MGMT: variants seen among roughly 807,000 people sequenced by gnomAD.
MGMT encodes O-6-methylguanine-DNA methyltransferase.
In MGMT, 14 loss-of-function variants were observed where a neutral mutation model predicts 15.9. That is an observed-to-expected ratio of 0.88 (90% CI 0.58 to 1.37). The LOEUF is 1.37. Ranked by LOEUF, MGMT falls within the 40% of genes most tolerant of loss-of-function variation. MGMT has a pLI of 0.00. For synonymous variants in MGMT, 130 were observed against 118.2 expected, an observed-to-expected ratio of 1.10 and a Z score of -0.65; for missense variants, 282 against 268.1, an observed-to-expected ratio of 1.05 and a Z score of -0.36.
intron 2 of MGMT, among the ~76,000 whole-genome samples, chr10:129,692,058 A>G (rs1236447296): frequency 2.0e-5 from 3 of 152,236 alleles, no homozygotes; most frequent in Non-Finnish European, 4.4e-5. Flanking sequence ...CACAGTGCCC[A>G]GCACCCAGTG....
intron 2 of MGMT, among the ~76,000 whole-genome samples, chr10:129,575,201 A>T (rs1211690874): frequency 6.6e-6 from 1 of 152,164 alleles, no homozygotes; most frequent in East Asian, 1.9e-4. Context: ...ACATCTACAG[A>T]ACTCTCCACC....
intron 2 of MGMT, among the ~76,000 whole-genome samples, chr10:129,670,999 G>A (rs1480369542): frequency 2.0e-5 from 3 of 152,094 alleles, no homozygotes; most frequent in Non-Finnish European, 2.9e-5. Context: ...TGTGTCTGTA[G>A]CCTTCTTTAT....
chr10:129,755,662 C>T (rs1848797716), intron 3 of MGMT, among the ~76,000 whole-genome samples: 1 of 152,348 alleles, frequency 6.6e-6, no homozygotes, highest in East Asian at 1.9e-4. Context: ...TGGCCTGCCT[C>T]CCAGGAAAGA....
At chr10:129,559,153 C>T (rs1178745917) in intron 2 of MGMT, among the ~76,000 whole-genome samples, 2 of 152,156 alleles carry the variant, frequency 1.3e-5, no homozygotes, top group African/African-American at 4.8e-5. Flanking sequence ...CTTTAACTCT[C>T]CTTAGGTGAG....
intron 2 of MGMT, among the ~76,000 whole-genome samples, chr10:129,538,311 A>AT (rs2119763641): frequency 6.6e-6 from 1 of 152,296 alleles, no homozygotes; most frequent in East Asian, 1.9e-4. Context: ...CTCTTTGTGA[A>AT]TTTTTGTTTC....
intron 1 of MGMT, among the ~76,000 whole-genome samples, chr10:129,520,518 A>G (rs1028866682): frequency 1.3e-5 from 2 of 151,556 alleles, no homozygotes; most frequent in Non-Finnish European, 2.9e-5. Flanking sequence ...GTGCAGGTGC[A>G]GAGCCTCTAC....
intron 2 of MGMT, among the ~76,000 whole-genome samples, chr10:129,584,386 T>C (rs1472037394): frequency 6.6e-6 from 1 of 152,042 alleles, no homozygotes; most frequent in Admixed American, 6.5e-5. Flanking sequence ...GGAGATTTCA[T>C]ATTTCAAAAA....
chr10:129,592,383 CT>C (rs1201759561), intron 2 of MGMT, among the ~76,000 whole-genome samples: 1 of 152,214 alleles, frequency 6.6e-6, no homozygotes, highest in African/African-American at 2.4e-5. Flanking sequence ...GTGGCATTAA[CT>C]AGTGTGAATT....
intron 2 of MGMT, among the ~76,000 whole-genome samples, chr10:129,674,284 A>C (rs1240722528): frequency 6.6e-6 from 1 of 152,198 alleles, no homozygotes; most frequent in Non-Finnish European, 1.5e-5. Flanking sequence ...TAAAAAAAAA[A>C]AATAGTATAA....
At chr10:129,551,900 C>T (rs560019795) in intron 2 of MGMT, among the ~76,000 whole-genome samples, 2 of 152,280 alleles carry the variant, frequency 1.3e-5, no homozygotes, top group South Asian at 2.1e-4. Context: ...ACAGAAACCA[C>T]GCTGAGTACC....
chr10:129,526,432 T>C (rs954015943), intron 1 of MGMT, among the ~76,000 whole-genome samples: 2 of 152,128 alleles, frequency 1.3e-5, no homozygotes, highest in Admixed American at 1.3e-4. Flanking sequence ...AATCTCCCCC[T>C]TCACACAGAC....
chr10:129,550,453 T>C (rs1165396628), intron 2 of MGMT, among the ~76,000 whole-genome samples: 2 of 151,410 alleles, frequency 1.3e-5, no homozygotes, highest in Non-Finnish European at 3.0e-5. Flanking sequence ...TGATTCTTTT[T>C]TTTTTTTTTT....
intron 2 of MGMT, among the ~76,000 whole-genome samples, chr10:129,699,223 A>G (rs1479576614): frequency 6.6e-6 from 1 of 152,118 alleles, no homozygotes; most frequent in Non-Finnish European, 1.5e-5. Context: ...CAAGTATACT[A>G]TTTGGGTTGT....
intron 4 of MGMT, among the ~76,000 whole-genome samples, chr10:129,761,537 C>G (rs1171949082): frequency 4.6e-5 from 7 of 152,230 alleles, no homozygotes; most frequent in Admixed American, 3.9e-4. Flanking sequence ...ATTTATTGTT[C>G]TGCAAACCAG....
At chr10:129,599,194 G>A (rs1846788438) in intron 2 of MGMT, among the ~76,000 whole-genome samples, 1 of 152,152 alleles carries the variant, frequency 6.6e-6, no homozygotes, top group Non-Finnish European at 1.5e-5. Context: ...ATTTGAACAT[G>A]GTTTGAACAG....
chr10:129,606,128 T>C (rs918266899), intron 2 of MGMT, among the ~76,000 whole-genome samples: 3 of 152,304 alleles, frequency 2.0e-5, no homozygotes, highest in African/African-American at 7.2e-5. Context: ...AATGATGGCA[T>C]GTGCAGGCGA....
chr10:129,499,972 A>T (rs1845559062), intron 1 of MGMT, among the ~76,000 whole-genome samples: 1 of 152,214 alleles, frequency 6.6e-6, no homozygotes, highest in Non-Finnish European at 1.5e-5. Flanking sequence ...AATATAACCG[A>T]CTGAAAAATA....
chr10:129,562,009 C>G (rs1339554845), intron 2 of MGMT, among the ~76,000 whole-genome samples: 1 of 152,126 alleles, frequency 6.6e-6, no homozygotes, highest in Non-Finnish European at 1.5e-5. Flanking sequence ...ACCAAGCCTT[C>G]TAGGAACAGC....
intron 2 of MGMT, among the ~76,000 whole-genome samples, chr10:129,617,186 C>G (rs541633268): frequency 6.6e-6 from 1 of 152,222 alleles, no homozygotes; most frequent in African/African-American, 2.4e-5. Flanking sequence ...CATGTGTACT[C>G]AGTGGTTAGC....
Sources: gnomAD v4.1 joint callset for allele counts (sites outside exome capture counted in the v4.1 genomes callset) on GRCh38, gnomAD v4.1.1 for gene constraint, MANE v1.5 for transcripts, NCBI Gene and HGNC (gene_info 2026-07-23, HGNC 2026-07-21) for gene names.